KIF13A: variants seen among roughly 807,000 people sequenced by gnomAD.
KIF13A encodes the protein kinesin-like protein KIF13A.
In KIF13A, 79 loss-of-function variants were observed where a neutral mutation model predicts 212.2. That is an observed-to-expected ratio of 0.37 (90% CI 0.31 to 0.45). The LOEUF (loss-of-function observed/expected upper bound fraction) is 0.45, where lower values mean the gene tolerates loss of function less well. KIF13A is among the 20% of genes least tolerant of loss of function. The pLI is 1.00. For missense variants in KIF13A, 1,901 were observed against 2,209.0 expected (o/e 0.86, Z 2.79); for synonymous variants, 789 against 808.6 (o/e 0.98, Z 0.41).
Position 17,967,043 on chromosome 6 carries a change from T to C in KIF13A, c.146+20011A>G, listed in dbSNP as rs1779389162. 6.6e-6 allele frequency among the ~76,000 whole-genome samples: 1 copy of C among 152,186 alleles called. No homozygotes were observed. Among genetic ancestry groups the C allele is most frequent in the African/African-American group, 2.4e-5 (1 of 41,434 alleles). ...TCCAGCAGTACCTAACTTGATTTAG[T>C]AGACACTCTATTCCCTTTTGGTATT... On this transcript the variant is annotated intron_variant, in intron 2 of 38. Coordinates refer to ENST00000259711, the MANE Select transcript of KIF13A (RefSeq NM_022113.6). The surrounding 1 kb of genome is among the most constrained non-coding windows in gnomAD (Gnocchi z 4.1).
At chr6:17,823,464 C>T (rs569225313) in intron 16 of KIF13A, among the ~76,000 whole-genome samples, 2 of 140,264 alleles carry the variant, frequency 1.4e-5, no homozygotes, top group East Asian at 4.8e-4. Context: ...TTCCTTCCTT[C>T]CTTTCTTTCC....
intron 3 of KIF13A, among the ~76,000 whole-genome samples, chr6:17,879,694 T>A (rs1212557432): frequency 1.3e-5 from 2 of 152,226 alleles, no homozygotes; most frequent in Non-Finnish European, 2.9e-5. Context: ...GTTTTAAAGA[T>A]GTTTAAATTA....
Position 17,816,680 on chromosome 6 carries a change from C to T in KIF13A, c.2000+340G>A, listed in dbSNP as rs1763980808. 6.6e-6 allele frequency among the ~76,000 whole-genome samples: 1 copy of T among 151,964 alleles called. No homozygotes were observed. The highest frequency in any genetic ancestry group is 1.5e-5 in the Non-Finnish European group (1 of 67,998). ...CACTGAAGTTGTATTTAAATAGATT[C>T]AAAAGTATGAGAAATAAGAAAAAAA... On this transcript the variant is annotated intron_variant, in intron 17 of 38. Coordinates refer to ENST00000259711, the MANE Select transcript of KIF13A (RefSeq NM_022113.6). The surrounding 1 kb of genome is among the most constrained non-coding windows in gnomAD (Gnocchi z 4.3).
downstream of KIF13A, chr6:17,760,952 C>T: frequency 6.8e-7 from 1 of 1,472,352 alleles, no homozygotes; most frequent in Non-Finnish European, 9.5e-7. Flanking sequence ...CTACTCTCAG[C>T]CCAGTCCACA....
rs1249044225 is a variant in KIF13A at position 17,783,130 on chromosome 6, G to A, written c.3544+516C>T. 2.6e-5 allele frequency among the ~76,000 whole-genome samples: 4 copies of A among 152,172 alleles called. No individual in the cohort carries two copies. The highest frequency in any genetic ancestry group is 4.4e-5 in the Non-Finnish European group (3 of 68,034). ...CTGCAAACTCAGCAACTCTGCCGTT[G>A]TTTTCTACACATGGGGTTCCAGTTA... On this transcript the variant is annotated intron_variant, in intron 29 of 38. Coordinates refer to ENST00000259711, the MANE Select transcript of KIF13A (RefSeq NM_022113.6). The surrounding 1 kb of genome is among the most constrained non-coding windows in gnomAD (Gnocchi z 4.3).
chr6:17,791,105 CT>C (rs1346614141), intron 25 of KIF13A, among the ~76,000 whole-genome samples: 1 of 150,092 alleles, frequency 6.7e-6, no homozygotes, highest in Non-Finnish European at 1.5e-5. Context: ...TCAAAATGAA[CT>C]GCTTTTTTTT....
At chr6:17,920,640 G>A (rs979855516) in intron 2 of KIF13A, among the ~76,000 whole-genome samples, 1 of 152,136 alleles carries the variant, frequency 6.6e-6, no homozygotes, top group African/African-American at 2.4e-5. Context: ...TTGGGAGGCC[G>A]AGGTGGGTGG....
chr6:17,781,188 T>C lies in KIF13A; in HGVS notation c.3658A>G (p.Ser1220Gly). Residue 1220 changes from serine to glycine, a missense_variant, in exon 30 of 39, where the codon AGT becomes GGT. By Grantham distance (56) the Ser-to-Gly change is moderately conservative. This residue lies in a region of KIF13A where 687 missense variants were observed against 759.1 expected (regional missense o/e 0.90). Coordinates refer to ENST00000259711, the MANE Select transcript of KIF13A (RefSeq NM_022113.6). Reference protein sequence around the residue: ...QFFYLPIIKHSDDEVSATASW... With the variant: ...QFFYLPIIKHGDDEVSATASW... ...TGGGGGTTAATTACCTCATCATCAC[T>C]GTGCTTTATGATGGGCAGGTAGAAA... 1 of 1,613,936 alleles carries C rather than the reference T, an allele frequency of 6.2e-7. No individual in the cohort carries two copies. Among genetic ancestry groups the C allele is most frequent in the Non-Finnish European group, 8.5e-7 (1 of 1,179,848 alleles).
At position 17,825,718 on chromosome 6, in the gene KIF13A, G is replaced by A; in HGVS notation, c.1786+50C>T. On this transcript the variant is annotated intron_variant, in intron 16 of 38. Transcript: ENST00000259711. The surrounding 1 kb of genome is among the most constrained non-coding windows in gnomAD (Gnocchi z 4.5). ...GCATGCTTATCCCTCACTGAATGGT[G>A]TGAGGTGAGGAAATGCCCAAGGCGC... The A allele has an allele frequency of 1.3e-6, 2 of 1,536,656 alleles. No individual in the cohort carries two copies. The highest frequency in any genetic ancestry group is 2.3e-5 in the South Asian group (2 of 85,296).
Position 17,771,848 on chromosome 6 carries a change from G to C in KIF13A, c.4476+60C>G, listed in dbSNP as rs963566171. On this transcript the variant is annotated intron_variant, in intron 37 of 38. Coordinates refer to ENST00000259711, the MANE Select transcript of KIF13A (RefSeq NM_022113.6). This position sits in a 1 kb window ranked among gnomAD's most constrained non-coding sequence, Gnocchi z 5.4. ...ACTCAGCTTGTTAATGCACACTGCT[G>C]CTTCACAGGTGACACAACTCTGCTC... The C allele has an allele frequency of 1.2e-5, 18 of 1,543,380 alleles. No individual in the cohort carries two copies. In the East Asian group the frequency reaches 3.6e-4, roughly 31 times the overall value.
chr6:17,761,370 T>C (rs1386339278), downstream of KIF13A, among the ~76,000 whole-genome samples: 1 of 151,652 alleles, frequency 6.6e-6, no homozygotes, highest in African/African-American at 2.4e-5. Context: ...CGTGAGCCAC[T>C]ATGCCTGGCC....
chr6:17,808,686 T>C lies in KIF13A; in HGVS notation c.2163+82A>G. The C allele has an allele frequency of 3.0e-6, 4 of 1,347,044 alleles. No homozygotes were observed. The South Asian group carries it at 5.8e-5, about 20-fold the overall frequency. The allele number at this position is 1,347,044 out of a possible 1,614,324, so 83.4% of individuals were successfully genotyped here. A position where few individuals can be genotyped will look rare whatever the true frequency, so the allele number is the denominator to read the frequency against. ...TGATATCAGGATCTCCTCAGGCATG[T>C]TTCTGGGGTTTCAGTTTTAGATCCT... On this transcript the variant is annotated intron_variant, in intron 18 of 38. Coordinates refer to ENST00000259711, the MANE Select transcript of KIF13A (RefSeq NM_022113.6).
chr6:17,759,599 T>G (rs1421794737), downstream of KIF13A: 2 of 152,212 alleles, frequency 1.3e-5, no homozygotes, highest in African/African-American at 2.4e-5. Context: ...AAAGGAATTT[T>G]GTAAAAATTT....
chr6:17,784,222 C>T (rs551391065), intron 28 of KIF13A, among the ~76,000 whole-genome samples: 3 of 152,076 alleles, frequency 2.0e-5, no homozygotes, highest in African/African-American at 7.2e-5. Flanking sequence ...GAGTTCAAGA[C>T]CAGCCTGGGC....
downstream of KIF13A, chr6:17,760,376 A>G (rs1758534323): frequency 6.5e-6 from 1 of 152,856 alleles, no homozygotes; most frequent in Non-Finnish European, 1.5e-5. Flanking sequence ...AATCACCTTT[A>G]TCTGCATTTT....
chr6:17,948,351 C>G, intron 2 of KIF13A, among the ~76,000 whole-genome samples: 1 of 152,218 alleles, frequency 6.6e-6, no homozygotes, highest in East Asian at 1.9e-4. Flanking sequence ...TGTAGATGAA[C>G]AAATTTCTGT....
At chr6:17,820,449 A>G (rs1764333359) in intron 16 of KIF13A, among the ~76,000 whole-genome samples, 1 of 152,182 alleles carries the variant, frequency 6.6e-6, no homozygotes, top group South Asian at 2.1e-4. Flanking sequence ...TTTCAAATCA[A>G]TTAACCAGTT....
chr6:17,803,247 T>C (rs1762632302), intron 20 of KIF13A, among the ~76,000 whole-genome samples: 1 of 151,986 alleles, frequency 6.6e-6, no homozygotes, highest in South Asian at 2.1e-4. Flanking sequence ...GCCTGGTCAA[T>C]TTTTAAATTT....
At chr6:17,933,475 C>A (rs1211613843) in intron 2 of KIF13A, among the ~76,000 whole-genome samples, 1 of 146,158 alleles carries the variant, frequency 6.8e-6, no homozygotes, top group East Asian at 2.1e-4. Flanking sequence ...AACTCCTGGA[C>A]TCAAGTGATC....
Sources: gnomAD v4.1 joint callset for allele counts (sites outside exome capture counted in the v4.1 genomes callset) on GRCh38, gnomAD v4.1.1 for gene constraint, gnomAD v4.1.1 regional missense constraint, Gnocchi (gnomAD v3.1) non-coding constraint, MANE v1.5 for transcripts, NCBI Gene and HGNC (gene_info 2026-07-23, HGNC 2026-07-21) for gene names.